CCSER1: variants seen among roughly 807,000 people sequenced by gnomAD.
CCSER1 encodes the protein serine-rich coiled-coil domain-containing protein 1.
In CCSER1, 41 loss-of-function variants were observed where a neutral mutation model predicts 82.0. The observed-to-expected ratio is 0.50, with a 90% confidence interval of 0.39 to 0.65. CCSER1 has a LOEUF of 0.65. Ranked by LOEUF, CCSER1 falls within the 30% of genes least tolerant of loss-of-function variation. CCSER1 has a pLI of 0.00. For synonymous variants in CCSER1, 414 were observed against 383.9 expected (o/e 1.08, Z -0.92); for missense variants, 1,119 against 1,064.2 (o/e 1.05, Z -0.72).
At chr4:90,614,872 C>T (rs1271756520) in intron 5 of CCSER1, among the ~76,000 whole-genome samples, 1 of 152,170 alleles carries the variant, frequency 6.6e-6, no homozygotes. Flanking sequence ...GTAGACAAAA[C>T]AGACAGAAGA....
chr4:90,445,605 T>G (rs976073419), intron 4 of CCSER1, among the ~76,000 whole-genome samples: 2 of 152,104 alleles, frequency 1.3e-5, no homozygotes, highest in Non-Finnish European at 2.9e-5. Context: ...ATGCCATTCT[T>G]AAGAATTTAA....
intron 10 of CCSER1, among the ~76,000 whole-genome samples, chr4:91,092,929 C>A (rs1443191641): frequency 1.3e-5 from 2 of 152,134 alleles, no homozygotes; most frequent in African/African-American, 4.8e-5. Flanking sequence ...ATGACTGCCA[C>A]CTTTTGGGGT....
intron 10 of CCSER1, among the ~76,000 whole-genome samples, chr4:91,447,395 AC>A (rs377580056): frequency 4.2e-5 from 2 of 47,458 alleles, no homozygotes; most frequent in African/African-American, 2.4e-4. Context: ...TCCCCCCTAA[AC>A]CTGCTATTTC....
intron 3 of CCSER1, among the ~76,000 whole-genome samples, chr4:90,379,440 C>T (rs913186372): frequency 3.3e-5 from 5 of 152,102 alleles, no homozygotes; most frequent in Non-Finnish European, 7.4e-5. Context: ...ATAAATTTTC[C>T]CTCGCGTCAG....
intron 5 of CCSER1, among the ~76,000 whole-genome samples, chr4:90,540,731 G>T (rs1350354410): frequency 6.6e-6 from 1 of 151,936 alleles, no homozygotes; most frequent in African/African-American, 2.4e-5. Flanking sequence ...GCCAGACCTG[G>T]GTTTCAACAC....
chr4:91,540,787 A>C (rs1384314951), intron 10 of CCSER1, among the ~76,000 whole-genome samples: 1 of 152,100 alleles, frequency 6.6e-6, no homozygotes, highest in African/African-American at 2.4e-5. Flanking sequence ...TTCCAGCACC[A>C]TTCCTTGAAA....
At chr4:90,497,664 A>G (rs1177398524) in intron 5 of CCSER1, among the ~76,000 whole-genome samples, 1 of 152,232 alleles carries the variant, frequency 6.6e-6, no homozygotes, top group African/African-American at 2.4e-5. Context: ...AAGAATATCA[A>G]TATAAAGCCA....
intron 1 of CCSER1, among the ~76,000 whole-genome samples, chr4:90,232,477 A>G: frequency 6.6e-6 from 1 of 152,120 alleles, no homozygotes; most frequent in East Asian, 1.9e-4. Context: ...TCAATTCAAG[A>G]TGGATTAAAG....
intron 10 of CCSER1, among the ~76,000 whole-genome samples, chr4:91,503,715 C>T (rs1374119541): frequency 2.0e-5 from 3 of 151,954 alleles, no homozygotes; most frequent in African/African-American, 7.3e-5. Flanking sequence ...TTAATATGTG[C>T]GTAAAAAAAC....
chr4:91,578,168 T>C (rs908779063), intron 10 of CCSER1, among the ~76,000 whole-genome samples: 2 of 151,978 alleles, frequency 1.3e-5, no homozygotes, highest in Admixed American at 6.6e-5. Context: ...ATAAAGTTCC[T>C]TGGTCCCTAC....
intron 9 of CCSER1, among the ~76,000 whole-genome samples, chr4:91,064,832 G>A (rs1210409450): frequency 4.6e-5 from 7 of 151,020 alleles, no homozygotes; most frequent in Non-Finnish European, 8.9e-5. Flanking sequence ...GGGACAATAC[G>A]TAGGGGACAG....
chr4:90,323,985 C>A (rs899627916), intron 3 of CCSER1, among the ~76,000 whole-genome samples: 1 of 152,162 alleles, frequency 6.6e-6, no homozygotes, highest in East Asian at 1.9e-4. Flanking sequence ...CATGTCCCTA[C>A]AAAGGACATG....
At chr4:91,550,317 C>A (rs1462511250) in intron 10 of CCSER1, among the ~76,000 whole-genome samples, 6 of 152,146 alleles carry the variant, frequency 3.9e-5, no homozygotes, top group Non-Finnish European at 8.8e-5. Context: ...CCACACCATG[C>A]CCCATGACTG....
chr4:91,580,319 A>C (rs1763668997), intron 10 of CCSER1, among the ~76,000 whole-genome samples: 1 of 151,836 alleles, frequency 6.6e-6, no homozygotes, highest in Admixed American at 6.6e-5. Flanking sequence ...CTATACAGTA[A>C]CCATCAGCCT....
At chr4:90,711,051 T>C (rs1377182519) in intron 6 of CCSER1, among the ~76,000 whole-genome samples, 1 of 152,132 alleles carries the variant, frequency 6.6e-6, no homozygotes, top group Non-Finnish European at 1.5e-5. Context: ...TTCACTTCCC[T>C]TGTTAGCTGT....
chr4:91,255,639 CAGA>C (rs1740623265), intron 10 of CCSER1, among the ~76,000 whole-genome samples: 1 of 152,166 alleles, frequency 6.6e-6, no homozygotes, highest in Non-Finnish European at 1.5e-5. Context: ...GAAGCTGTGA[CAGA>C]AGAACATAAA....
chr4:90,402,799 G>A (rs943396898), intron 4 of CCSER1, among the ~76,000 whole-genome samples: 2 of 152,214 alleles, frequency 1.3e-5, no homozygotes, highest in Admixed American at 6.5e-5. Context: ...TCTCCTTTAC[G>A]AAGTAATAAT....
chr4:91,011,360 A>C (rs1738991615), intron 9 of CCSER1, among the ~76,000 whole-genome samples: 1 of 134,120 alleles, frequency 7.5e-6, no homozygotes, highest in Non-Finnish European at 1.7e-5. Context: ...GCTGGATCTG[A>C]CATGGCATGC....
intron 10 of CCSER1, among the ~76,000 whole-genome samples, chr4:91,174,673 C>T (rs1001939546): frequency 3.9e-5 from 6 of 151,970 alleles, no homozygotes; most frequent in African/African-American, 1.5e-4. Context: ...AAAGATTATC[C>T]AACTATCTAA....
Sources: gnomAD v4.1 joint callset for allele counts (sites outside exome capture counted in the v4.1 genomes callset) on GRCh38, gnomAD v4.1.1 for gene constraint, MANE v1.5 for transcripts, NCBI Gene and HGNC (gene_info 2026-07-23, HGNC 2026-07-21) for gene names.